The following ATXN2 variants were observed in gnomAD, a reference collection of about 807,000 sequenced individuals.
ATXN2 encodes the protein ataxin-2.
In ATXN2, 37 loss-of-function variants were observed where a neutral mutation model predicts 138.6. The observed-to-expected ratio is 0.27, with a 90% CI of 0.21 to 0.35. The LOEUF (loss-of-function observed/expected upper bound fraction) is 0.35. Among genes scored for constraint, ATXN2 ranks in the 10% least tolerant of loss-of-function variants. The pLI, the probability that ATXN2 is intolerant of heterozygous loss-of-function variation, is 1.00. For synonymous variants in ATXN2, 549 were observed against 543.7 expected (o/e 1.01, Z -0.13); for missense variants, 1,216 against 1,480.3 (o/e 0.82, Z 2.93).
chr12:111,453,643 G>A lies in ATXN2; in HGVS notation c.3439+34C>T. On this transcript the variant is annotated intron_variant, in intron 24 of 24. Transcript: ENST00000673436. The surrounding 1 kb of genome is among the most constrained non-coding windows in gnomAD (Gnocchi z 5.4). ...ACCTGTGCGAGCAGAATGCTTTGGG[G>A]TGCCCCGGCGGCCCCTGCACACACA... The A allele has an allele frequency of 6.6e-7, 1 of 1,508,888 alleles. No homozygotes were observed. The highest frequency in any genetic ancestry group is 1.3e-5 in the South Asian group (1 of 76,532). 93.5% of individuals were successfully genotyped at this position (1,508,888 alleles called of 1,614,324 possible).
At chr12:111,494,704 G>A (rs1878297218) in intron 14 of ATXN2, among the ~76,000 whole-genome samples, 1 of 152,244 alleles carries the variant, frequency 6.6e-6, no homozygotes, top group South Asian at 2.1e-4. Context: ...GATTACAGGT[G>A]TGAACCACTG....
At position 111,539,995 on chromosome 12, in the gene ATXN2, C is replaced by G. The variant is rs984902224; in HGVS notation, c.571+12285G>C. 2.7e-5 allele frequency among the ~76,000 whole-genome samples: 4 copies of G among 150,210 alleles called. No individual in the cohort carries two copies. In the South Asian group the frequency reaches 6.3e-4, roughly 24 times the overall value. Reference sequence around the variant, plus strand: ...ATGAAATTAATTCCAATTCTTACAGCTGTACAAATATCTTTTCTGTTTCCC... The same window carrying G: ...ATGAAATTAATTCCAATTCTTACAGGTGTACAAATATCTTTTCTGTTTCCC... On this transcript the variant is annotated intron_variant, in intron 5 of 24. Transcript: ENST00000673436.
intron 16 of ATXN2, 64 bp downstream of exon 16, chr12:111,486,697 G>A: frequency 7.3e-7 from 1 of 1,368,216 alleles, no homozygotes; most frequent in Non-Finnish European, 1.0e-6. Context: ...ATGGAAGAAG[G>A]ACTATTACTA....
rs548720104 is a variant in ATXN2, at chr12:111,559,195, C to T, written c.252-3276G>A. On this transcript the variant is annotated intron_variant, in intron 1 of 24. Transcript: ENST00000673436. ...GTCGCCAGGCTGGAGTGCAGTGGCA[C>T]GATCTTGGCTCACTGCAACCTCCGC... Among the ~76,000 whole-genome samples the T allele has an allele frequency of 7.1e-4, 107 of 150,654 alleles. 1 individual carries two copies. The highest frequency in any genetic ancestry group is 2.4e-3 in the African/African-American group (98 of 41,122).
chr12:111,576,922 C>A (rs1168014861), intron 1 of ATXN2, among the ~76,000 whole-genome samples: 2 of 151,910 alleles, frequency 1.3e-5, no homozygotes, highest in Non-Finnish European at 2.9e-5. Context: ...CACGCCACTG[C>A]ACTCCAGCCT....
At chr12:111,521,936 C>T (rs1432237931) in intron 6 of ATXN2, among the ~76,000 whole-genome samples, 1 of 152,194 alleles carries the variant, frequency 6.6e-6, no homozygotes, top group African/African-American at 2.4e-5. Flanking sequence ...TAATTATTCT[C>T]TAATGTTTCA....
intron 14 of ATXN2, among the ~76,000 whole-genome samples, chr12:111,500,639 C>T (rs907050867): frequency 3.9e-5 from 6 of 152,214 alleles, no homozygotes; most frequent in Non-Finnish European, 4.4e-5. Flanking sequence ...CTTTGGGAGG[C>T]TGTGGCAGCC....
Position 111,519,954 on chromosome 12 carries a change from T to C in ATXN2, c.911A>G (p.Asp304Gly). ...TGTGTATTTTTCTTCCTCACTCCTA[T>C]CATCATTTTCCAGGGCCACTCGAGC... Reference protein sequence around the residue: ...YKARVALENDDRSEEEKYTAV... With the variant: ...YKARVALENDGRSEEEKYTAV... The change falls in exon 8 of 25, where the codon GAT becomes GGT. Residue 304 changes from aspartate to glycine, a missense_variant. Physicochemically the swap from Asp to Gly is moderately conservative, Grantham distance 94. Coordinates refer to ENST00000673436, the MANE Select transcript of ATXN2 (RefSeq NM_001372574.1). The C allele has an allele frequency of 4.3e-6, 7 of 1,614,198 alleles. No homozygotes were observed. Among genetic ancestry groups the C allele is most frequent in the Non-Finnish European group, 5.9e-6 (7 of 1,180,034 alleles).
intron 14 of ATXN2, among the ~76,000 whole-genome samples, chr12:111,506,043 CATGG>C (rs1312137975): frequency 6.6e-6 from 1 of 152,170 alleles, no homozygotes; most frequent in African/African-American, 2.4e-5. Context: ...CATGCTCCAA[CATGG>C]ATGAACTTTT....
intron 5 of ATXN2, among the ~76,000 whole-genome samples, chr12:111,533,003 A>G (rs1046190651): frequency 2.0e-5 from 3 of 152,224 alleles, no homozygotes; most frequent in African/African-American, 4.8e-5. Context: ...TTAAGATCTT[A>G]GAGGAACAGA....
chr12:111,457,135 C>A, intron 22 of ATXN2, 79 bp downstream of exon 22: 8 of 1,502,522 alleles, frequency 5.3e-6, no homozygotes, highest in Non-Finnish European at 7.2e-6. Context: ...TCTGACGATG[C>A]GATACCTGGC....
At chr12:111,499,564 C>T (rs1878622001) in intron 14 of ATXN2, among the ~76,000 whole-genome samples, 1 of 151,490 alleles carries the variant, frequency 6.6e-6, no homozygotes, top group Admixed American at 6.6e-5. Context: ...ATTAGGCAGA[C>T]ATGGTGGCAG....
rs1483559714 is a variant in ATXN2 at position 111,598,836 on chromosome 12, G to C, written c.199C>G (p.Pro67Ala). ...GAGGTCGCCGCGACCACCGAGGAGG[G>C]AGCCGTGGCCGAGGACGAGGAGACC... ...SSVSSSSATA[P>A]SSVVAATSGG... Residue 67 changes from proline (P) to alanine (A), a missense_variant, in exon 1 of 25, where the codon CCC becomes GCC. Pro to Ala is a conservative substitution (Grantham distance 27). Transcript: ENST00000673436. The surrounding 1 kb of genome is among the most constrained non-coding windows in gnomAD (Gnocchi z 4.5). 32 of 1,465,696 alleles carry C rather than the reference G, an allele frequency of 2.2e-5. No homozygotes were observed. The highest frequency in any genetic ancestry group is 5.4e-6 in the Non-Finnish European group (6 of 1,114,218). 90.8% of individuals were successfully genotyped at this position (1,465,696 alleles called of 1,614,324 possible).
chr12:111,599,671 G>T (rs1049663920), upstream of ATXN2: 34 of 1,053,542 alleles, frequency 3.2e-5, no homozygotes, highest in Admixed American at 2.6e-4. Flanking sequence ...TTGCTTTCTC[G>T]GGGGTCGGGT....
At chr12:111,487,817 GAA>G (rs935983489) in intron 15 of ATXN2, among the ~76,000 whole-genome samples, 3 of 151,814 alleles carry the variant, frequency 2.0e-5, no homozygotes, top group Admixed American at 6.6e-5. Context: ...GACATACCTG[GAA>G]AAAGTCATGG....
At chr12:111,527,790 C>T (rs1313820536) in intron 5 of ATXN2, among the ~76,000 whole-genome samples, 2 of 152,150 alleles carry the variant, frequency 1.3e-5, no homozygotes, top group Non-Finnish European at 2.9e-5. Flanking sequence ...ACCAACACCT[C>T]ATCTTTGCTG....
intron 5 of ATXN2, among the ~76,000 whole-genome samples, chr12:111,543,594 AG>A (rs1169792981): frequency 6.6e-6 from 1 of 152,116 alleles, no homozygotes; most frequent in African/African-American, 2.4e-5. Context: ...CCAGCACACC[AG>A]GCTAATTTTT....
At chr12:111,581,902 C>T (rs1884027510) in intron 1 of ATXN2, 1 of 226,000 alleles carries the variant, frequency 4.4e-6, no homozygotes. Context: ...TATCCTCACA[C>T]ACTTTTCTAC....
Position 111,485,289 on chromosome 12 carries a change from C to T in ATXN2, c.2500G>A (p.Ala834Thr), listed in dbSNP as rs1409495883. Residue 834 changes from alanine to threonine, a missense_variant, in exon 18 of 25, where the codon GCC (alanine) becomes ACC (threonine). Coordinates refer to ENST00000673436, the MANE Select transcript of ATXN2 (RefSeq NM_001372574.1). The part of the protein sequence containing the change: ...IPMTPMPVNQ[A>T]KTYRAGKVPN... ...CCTTTACCTGCTCTATATGTCTTGG[C>T]TTGATTCACTGGCATGGGCGTCATA... 4.3e-6 allele frequency: 7 copies of T among 1,612,888 alleles called. No homozygotes were observed. Among genetic ancestry groups the T allele is most frequent in the Non-Finnish European group, 5.9e-6 (7 of 1,179,322 alleles).
Sources: allele counts gnomAD v4.1 joint callset (sites outside exome capture counted in the v4.1 genomes callset), GRCh38; gene constraint gnomAD v4.1.1; non-coding constraint Gnocchi (gnomAD v3.1); transcripts MANE v1.5; gene names NCBI Gene and HGNC (gene_info 2026-07-23, HGNC 2026-07-21).